The following LAMA3 variants were observed in gnomAD, a reference collection of about 807,000 sequenced individuals.
The protein encoded by LAMA3 is laminin subunit alpha 3.
In LAMA3, 281 loss-of-function variants were observed where a neutral mutation model predicts 402.0. That is an observed-to-expected ratio of 0.70 (90% CI 0.63 to 0.77). LAMA3 has a LOEUF of 0.77. LAMA3 is among the 30% of genes least tolerant of loss of function. The pLI, the probability that LAMA3 is intolerant of heterozygous loss-of-function variation, is 0.00. For synonymous variants in LAMA3, 1,431 were observed against 1,558.4 expected, an observed-to-expected ratio of 0.92 and a Z score of 1.93; for missense variants, 3,840 against 4,215.5, an observed-to-expected ratio of 0.91 and a Z score of 2.47.
rs761117622 is a variant in LAMA3 at position 23,810,517 on chromosome 18, C to G, written c.1741+14C>G. On this transcript the variant is annotated intron_variant, in intron 13 of 74. Transcript: ENST00000313654. ...CCCACTGCCAAGGTAGGAAAGTCAG[C>G]AGATTGCTAGAGGGCTGGTTCCTCT... is the stretch of plus-strand genomic sequence containing the variant. The G allele has an allele frequency of 6.2e-7, 1 of 1,613,682 alleles. No individual in the cohort carries two copies. The highest frequency in any genetic ancestry group is 1.1e-5 in the South Asian group (1 of 91,062).
Position 23,943,922 on chromosome 18 carries a change from A to T in LAMA3, c.9161A>T (p.Lys3054Ile). Reference sequence around the variant, plus strand: ...TTTGCACTGGGGACAGATGGGAAAAAATTGAGGATCAAAAGCAAGGAGAAA... The same window carrying T: ...TTTGCACTGGGGACAGATGGGAAAATATTGAGGATCAAAAGCAAGGAGAAA... ...LVFALGTDGK[K>I]LRIKSKEKCN... The change falls in exon 69 of 75, where the codon AAA becomes ATA. Residue 3054 changes from lysine to isoleucine, a missense_variant. Coordinates refer to ENST00000313654, the MANE Select transcript of LAMA3 (RefSeq NM_198129.4). The T allele has an allele frequency of 3.1e-6, 5 of 1,614,088 alleles. No individual in the cohort carries two copies. Among genetic ancestry groups the T allele is most frequent in the Non-Finnish European group, 4.2e-6 (5 of 1,179,988 alleles).
Position 23,854,296 on chromosome 18 carries a change from C to G in LAMA3, c.4137-3548C>G, listed in dbSNP as rs939661160. Among the ~76,000 whole-genome samples, 8 of 152,380 alleles carry G rather than the reference C, an allele frequency of 5.3e-5. No homozygotes were observed. In the East Asian group the frequency reaches 1.5e-3, roughly 29 times the overall value. On this transcript the variant is annotated intron_variant, in intron 32 of 74. Coordinates refer to ENST00000313654, the MANE Select transcript of LAMA3 (RefSeq NM_198129.4). ...TCCTTGTCTGGACAAGCAGCTTCCA[C>G]AGCTGCCCTTGCTGCAGGTACTCTT...
In LAMA3 at chr18:23,833,854, C is replaced by T. The variant is rs376046181; in HGVS notation, c.2850C>T (p.Ile950=). 8 of 1,613,510 alleles carry T rather than the reference C, an allele frequency of 5.0e-6. No homozygotes were observed. The African/African-American group carries it at 9.3e-5, about 19-fold the overall frequency. ...TGGAATTGCATCTGCGGCTGCGCATCCCACAGGTTGGCCACTACGTGGTTG... is the reference window on the plus strand; with the variant it reads ...TGGAATTGCATCTGCGGCTGCGCATTCCACAGGTTGGCCACTACGTGGTTG... ...REVELHLRLR[I]PQVGHYVVVV... Residue 950 remains isoleucine, a synonymous_variant, in exon 24 of 75, where the codon ATC becomes ATT. Transcript: ENST00000313654.
chr18:23,701,167 A>G (rs2145846218), intron 1 of LAMA3, among the ~76,000 whole-genome samples: 1 of 152,344 alleles, frequency 6.6e-6, no homozygotes, highest in East Asian at 1.9e-4. Context: ...CATAATGAAG[A>G]AATATATTGT....
chr18:23,830,684 A>G (rs2063474958), intron 23 of LAMA3, among the ~76,000 whole-genome samples: 1 of 152,158 alleles, frequency 6.6e-6, no homozygotes, highest in Admixed American at 6.5e-5. Context: ...TCCTCAAAAT[A>G]TCATTTGCAG....
chr18:23,833,771 T>G, intron 23 of LAMA3, 57 bp from the exon 24 acceptor site: 7 of 1,592,602 alleles, frequency 4.4e-6, no homozygotes, highest in Non-Finnish European at 6.0e-6. Context: ...CTGATGCAAG[T>G]GTGGCCTGTA....
Position 23,782,448 on chromosome 18 carries a change from G to A in LAMA3, c.1469-1575G>A, listed in dbSNP as rs187663363. On this transcript the variant is annotated intron_variant, in intron 11 of 74. Coordinates refer to ENST00000313654, the MANE Select transcript of LAMA3 (RefSeq NM_198129.4). Reference sequence around the variant, plus strand: ...CACGCCTGTAATCCGAGCTACTCGGGAGGCTGAGGCATGATAATCGCTTGA... The same window carrying A: ...CACGCCTGTAATCCGAGCTACTCGGAAGGCTGAGGCATGATAATCGCTTGA... Among the ~76,000 whole-genome samples, 177 of 152,216 alleles carry A rather than the reference G, an allele frequency of 1.2e-3. 1 individual carries two copies. The highest frequency in any genetic ancestry group is 0.01 in the Middle Eastern group (3 of 294).
In LAMA3 at chr18:23,898,721, T is replaced by C; in HGVS notation, c.5614-17T>C. 7.6e-7 allele frequency: 1 copy of C among 1,322,662 alleles called. No individual in the cohort carries two copies. The highest frequency in any genetic ancestry group is 2.3e-5 in the East Asian group (1 of 43,468). 81.9% of individuals were successfully genotyped at this position (1,322,662 alleles called of 1,614,324 possible). A position where few individuals can be genotyped will look rare whatever the true frequency, so the allele number is the denominator to read the frequency against. ...CTTTATACTGTAAAGTGACATTCAT[T>C]TGTGTTTTGTTTCCAGAATCAGTTG... On this transcript the variant is annotated splice_polypyrimidine_tract_variant and intron_variant, in intron 44 of 74. Coordinates refer to ENST00000313654, the MANE Select transcript of LAMA3 (RefSeq NM_198129.4).
intron 1 of LAMA3, among the ~76,000 whole-genome samples, chr18:23,695,499 A>G (rs2060667074): frequency 6.6e-6 from 1 of 152,156 alleles, no homozygotes; most frequent in Non-Finnish European, 1.5e-5. Flanking sequence ...TCTAGGCTGA[A>G]CAAATATTTA....
At chr18:23,912,062 A>G (rs2081446475) in intron 55 of LAMA3, among the ~76,000 whole-genome samples, 1 of 145,970 alleles carries the variant, frequency 6.9e-6, no homozygotes, top group Non-Finnish European at 1.5e-5. Context: ...ACTTATAAAA[A>G]TATATTTTAT....
intron 7 of LAMA3, among the ~76,000 whole-genome samples, chr18:23,760,648 A>G (rs2061949065): frequency 6.6e-6 from 1 of 152,240 alleles, no homozygotes; most frequent in African/African-American, 2.4e-5. Context: ...GAAGTGTTAT[A>G]TACTACTTGT....
intron 55 of LAMA3, among the ~76,000 whole-genome samples, chr18:23,912,057 TA>T (rs889973903): frequency 1.0e-3 from 148 of 145,800 alleles, no homozygotes; most frequent in East Asian, 3.9e-3. Flanking sequence ...TATATACTTA[TA>T]AAAATATATT....
chr18:23,838,925 T>C, intron 26 of LAMA3, 47 bp downstream of exon 26: 1 of 1,110,698 alleles, frequency 9.0e-7, no homozygotes, highest in Non-Finnish European at 1.4e-6. Context: ...TGAGTGATAC[T>C]GGGATGAGTG....
intron 2 of LAMA3, among the ~76,000 whole-genome samples, chr18:23,744,597 T>G (rs11082731): frequency 0.051 from 7,722 of 152,000 alleles, 466 homozygotes; most frequent in Admixed American, 0.17. Flanking sequence ...TTTGGGAGGC[T>G]GAGGCAAGTG....
intron 68 of LAMA3, 43 bp downstream of exon 68, chr18:23,939,429 A>C (rs186387572): frequency 4.9e-5 from 79 of 1,597,418 alleles, no homozygotes; most frequent in Middle Eastern, 3.3e-4. Flanking sequence ...TCAGAACCTG[A>C]CTCTGCGATT....
intron 59 of LAMA3, among the ~76,000 whole-genome samples, 179 bp downstream of exon 59, chr18:23,915,601 A>G (rs2081583872): frequency 6.6e-6 from 1 of 152,212 alleles, no homozygotes; most frequent in African/African-American, 2.4e-5. Flanking sequence ...AAATCTAATT[A>G]TGGTAGTCTC....
Position 23,700,200 on chromosome 18 carries a change from TCAC to T in LAMA3, c.294+10227_294+10229del, listed in dbSNP as rs1318059682. Among the ~76,000 whole-genome samples the T allele has an allele frequency of 2.0e-5, 3 of 152,286 alleles. No individual in the cohort carries two copies. The South Asian group carries it at 6.2e-4, about 32-fold the overall frequency. On this transcript the variant is annotated intron_variant, in intron 1 of 74. Coordinates refer to ENST00000313654, the MANE Select transcript of LAMA3 (RefSeq NM_198129.4). ...CTCTGTTTATGGAGTAGCTGTTCCT[TCAC>T]CACATTACTTTCTTAATAAACTTGC...
chr18:23,907,307 CT>C (rs2081283171), intron 52 of LAMA3, among the ~76,000 whole-genome samples: 1 of 152,184 alleles, frequency 6.6e-6, no homozygotes, highest in African/African-American at 2.4e-5. Flanking sequence ...TATTCAGCCT[CT>C]TTCTTTCTTC....
chr18:23,860,982 G>A (rs1222547888), intron 34 of LAMA3, among the ~76,000 whole-genome samples: 2 of 151,918 alleles, frequency 1.3e-5, no homozygotes, highest in Non-Finnish European at 1.5e-5. Context: ...GTGACCCACC[G>A]CACCTGGCCC....
Sources: gnomAD v4.1 joint callset for allele counts (sites outside exome capture counted in the v4.1 genomes callset) on GRCh38, gnomAD v4.1.1 for gene constraint, MANE v1.5 for transcripts, NCBI Gene and HGNC (gene_info 2026-07-23, HGNC 2026-07-21) for gene names.